Variants in PHTF2 observed in about 807,000 individuals in gnomAD.
PHTF2 encodes the protein putative homeodomain transcription factor 2, also known as protein PHTF2.
Under a neutral mutation model 101.2 loss-of-function variants are expected in PHTF2, and 60 were observed. The ratio of observed to expected loss-of-function variants is 0.59; its 90% CI spans 0.48 to 0.73. PHTF2 has a LOEUF of 0.73. Ranked by LOEUF, PHTF2 falls within the 30% of genes least tolerant of loss-of-function variation. PHTF2 has a pLI of 0.00. For synonymous variants in PHTF2, 311 were observed against 307.3 expected (o/e 1.01, Z -0.13); for missense variants, 747 against 908.7 (o/e 0.82, Z 2.29).
At chr7:77,904,489 A>T (rs918000070) in intron 7 of PHTF2, among the ~76,000 whole-genome samples, 2 of 152,166 alleles carry the variant, frequency 1.3e-5, no homozygotes, top group Non-Finnish European at 2.9e-5. Flanking sequence ...TGGGTGGCTT[A>T]TACAACAAAA....
intron 11 of PHTF2, among the ~76,000 whole-genome samples, chr7:77,926,047 C>A (rs1245656892): frequency 1.3e-5 from 2 of 151,452 alleles, no homozygotes; most frequent in African/African-American, 2.4e-5. Context: ...GAGTGAGACT[C>A]CATCTCAAAA....
At position 77,909,120 on chromosome 7, in the gene PHTF2, C is replaced by T. The variant is rs954335887; in HGVS notation, c.611+162C>T. On this transcript the variant is annotated intron_variant, in intron 8 of 19. Coordinates refer to ENST00000416283, the Ensembl canonical transcript of PHTF2. ...ATCAATTACCAGATGATTTAGTTTC[C>T]ATATTTGCTTCAAGGCCATTTTAAG... is the stretch of plus-strand genomic sequence containing the variant. The T allele has an allele frequency of 1.2e-5, 6 of 500,558 alleles. No individual in the cohort carries two copies. The East Asian group carries it at 2.0e-4, about 16-fold the overall frequency. 31.0% of individuals were successfully genotyped at this position (500,558 alleles called of 1,614,324 possible). A position where few individuals can be genotyped will look rare whatever the true frequency, so the allele number is the denominator to read the frequency against.
At chr7:77,884,555 A>G (rs1182381217) in intron 3 of PHTF2, among the ~76,000 whole-genome samples, 1 of 152,132 alleles carries the variant, frequency 6.6e-6, no homozygotes, top group Non-Finnish European at 1.5e-5. Context: ...TTTTAAAAAG[A>G]CTCAAAAAAT....
At chr7:77,929,639 C>T (rs1357717837) in intron 12 of PHTF2, among the ~76,000 whole-genome samples, 2 of 152,070 alleles carry the variant, frequency 1.3e-5, no homozygotes, top group Non-Finnish European at 2.9e-5. Context: ...CTAAACTCCA[C>T]CTATAAGATT....
intron 10 of PHTF2, among the ~76,000 whole-genome samples, chr7:77,922,017 CTTTTTTTTTTTTTT>C (rs35763664): frequency 5.2e-5 from 5 of 95,284 alleles, no homozygotes; most frequent in African/African-American, 2.3e-4. Context: ...GTTTATATTC[CTTTTTTTTTTTTTT>C]TTTTTTTTTG....
intron 1 of PHTF2, among the ~76,000 whole-genome samples, chr7:77,800,369 A>G (rs1394092456): frequency 1.3e-5 from 2 of 152,216 alleles, no homozygotes; most frequent in Admixed American, 1.3e-4. Flanking sequence ...TGCCCCAGAA[A>G]TAGCCTGCCT....
chr7:77,944,274 C>T (rs964553243), intron 16 of PHTF2, among the ~76,000 whole-genome samples: 7 of 152,242 alleles, frequency 4.6e-5, no homozygotes, highest in East Asian at 1.9e-4. Flanking sequence ...GACCTGTGTA[C>T]CTCCCTACTC....
At chr7:77,900,594 C>G in intron 5 of PHTF2, 117 bp from the exon 5 acceptor site, 1 of 672,126 alleles carries the variant, frequency 1.5e-6, no homozygotes, top group Non-Finnish European at 2.7e-6. Context: ...TAATGTGTTA[C>G]ATTTTGTTGG....
At chr7:77,831,097 A>G (rs1380186657) in intron 1 of PHTF2, among the ~76,000 whole-genome samples, 2 of 152,258 alleles carry the variant, frequency 1.3e-5, no homozygotes, top group Non-Finnish European at 2.9e-5. Context: ...GCAACAGGTG[A>G]TTCACATTCT....
intron 1 of PHTF2, among the ~76,000 whole-genome samples, chr7:77,803,554 T>G (rs1562824653): frequency 6.6e-6 from 1 of 152,200 alleles, no homozygotes; most frequent in Non-Finnish European, 1.5e-5. Context: ...TATTTATTCT[T>G]TAAATGGAGT....
chr7:77,932,566 G>A (rs1804664793), intron 12 of PHTF2, among the ~76,000 whole-genome samples: 1 of 150,358 alleles, frequency 6.7e-6, no homozygotes, highest in Admixed American at 6.7e-5. Context: ...GGGACAGAGA[G>A]AGGGAGAGAG....
chr7:77,939,281 G>C (rs1805424817), intron 13 of PHTF2, among the ~76,000 whole-genome samples: 1 of 151,908 alleles, frequency 6.6e-6, no homozygotes, highest in African/African-American at 2.4e-5. Flanking sequence ...AGTTTAAGGA[G>C]ACACTTATTT....
At chr7:77,809,529 A>G (rs1042944608) in intron 1 of PHTF2, among the ~76,000 whole-genome samples, 2 of 152,096 alleles carry the variant, frequency 1.3e-5, no homozygotes, top group African/African-American at 4.8e-5. Context: ...GCTCAGCCAT[A>G]AACCCAATTC....
At chr7:77,902,201 CACAT>C (rs1284992738) in intron 7 of PHTF2, among the ~76,000 whole-genome samples, 1 of 152,148 alleles carries the variant, frequency 6.6e-6, no homozygotes, top group Non-Finnish European at 1.5e-5. Context: ...GCATCTTCCA[CACAT>C]ACATACATAC....
rs944807834 is a variant in PHTF2 at position 77,956,373 on chromosome 7, T to C, written c.*1495T>C. 5.9e-5 allele frequency: 9 copies of C among 152,576 alleles called. 1 individual carries two copies. Among genetic ancestry groups the C allele is most frequent in the Admixed American group, 5.9e-4 (9 of 15,272 alleles). The allele number at this position is 152,576 out of a possible 1,614,324, so 9.5% of individuals were successfully genotyped here. A position where few individuals can be genotyped will look rare whatever the true frequency, so the allele number is the denominator to read the frequency against. On this transcript the variant is annotated 3_prime_UTR_variant, in exon 20 of 20. Transcript: ENST00000416283. ...GTGTGGAGAACAGAGCCATGTCATA[T>C]CACTTTGCTCTTACCATTCCTTTTG...
At chr7:77,913,348 A>C (rs1053128529) in intron 9 of PHTF2, among the ~76,000 whole-genome samples, 1 of 151,034 alleles carries the variant, frequency 6.6e-6, no homozygotes, top group Admixed American at 6.6e-5. Flanking sequence ...AGATTGTGCC[A>C]CTGCATTCCA....
At chr7:77,884,884 G>A (rs569319419) in intron 3 of PHTF2, among the ~76,000 whole-genome samples, 2 of 150,624 alleles carry the variant, frequency 1.3e-5, no homozygotes, top group South Asian at 4.2e-4. Flanking sequence ...GGGTGACAAA[G>A]CGAGACTTCG....
intron 1 of PHTF2, 103 bp from the exon 2 acceptor site, chr7:77,840,118 C>T: frequency 3.3e-6 from 2 of 601,954 alleles, no homozygotes; most frequent in Non-Finnish European, 3.0e-6. Flanking sequence ...CGTCATACAC[C>T]CCTTGCTCTG....
At chr7:77,922,327 T>C (rs1273892975) in intron 10 of PHTF2, among the ~76,000 whole-genome samples, 3 of 152,180 alleles carry the variant, frequency 2.0e-5, no homozygotes, top group African/African-American at 7.2e-5. Flanking sequence ...GTGCCTGGCA[T>C]ATTTCTTATT....
Sources: allele counts gnomAD v4.1 joint callset (sites outside exome capture counted in the v4.1 genomes callset), GRCh38; gene constraint gnomAD v4.1.1; transcripts MANE v1.5; gene names NCBI Gene and HGNC (gene_info 2026-07-23, HGNC 2026-07-21).